ASXL2: variants seen among roughly 807,000 people sequenced by gnomAD.
ASXL2 encodes putative Polycomb group protein ASXL2.
ASXL2 carries 23 observed loss-of-function variants against 122.0 expected under a neutral mutation model. That is an observed-to-expected ratio of 0.19 (90% CI 0.14 to 0.27). The LOEUF is 0.27. Among genes scored for constraint, ASXL2 ranks in the 10% least tolerant of loss-of-function variants. ASXL2 has a pLI of 1.00. For synonymous variants in ASXL2, 650 were observed against 637.0 expected (o/e 1.02, Z -0.31); for missense variants, 1,518 against 1,713.8 (o/e 0.89, Z 2.02).
At chr2:25,820,566 C>T (rs905156404) in intron 3 of ASXL2, among the ~76,000 whole-genome samples, 1 of 152,136 alleles carries the variant, frequency 6.6e-6, no homozygotes, top group African/African-American at 2.4e-5. Context: ...GCCAAACTTA[C>T]AGAGACAGAA....
chr2:25,846,259 G>T (rs555094958), intron 1 of ASXL2, among the ~76,000 whole-genome samples: 3 of 151,990 alleles, frequency 2.0e-5, no homozygotes, highest in Admixed American at 6.6e-5. Context: ...CTTTTTCTCC[G>T]CCCTTGCCCC....
At position 25,878,353 on chromosome 2, in the gene ASXL2, C is replaced by T. The variant is rs1244629700; in HGVS notation, c.-131G>A. The T allele has an allele frequency of 8.8e-6, 8 of 912,376 alleles. No homozygotes were observed. In the Admixed American group the frequency reaches 1.6e-4, roughly 18 times the overall value. 56.5% of individuals were successfully genotyped at this position (912,376 alleles called of 1,614,324 possible). A position where few individuals can be genotyped will look rare whatever the true frequency, so the allele number is the denominator to read the frequency against. ...GAAAAGGGAAGTCAGACCGGGGGGG[C>T]ACCCAAGCAGAGGAAGCGGCGGGGG... On this transcript the variant is annotated 5_prime_UTR_variant, in exon 1 of 13. Coordinates refer to ENST00000435504, the MANE Select transcript of ASXL2 (RefSeq NM_018263.6).
Position 25,735,218 on chromosome 2 carries a change from G to C in ASXL2, c.*6811C>G, listed in dbSNP as rs943846241. On this transcript the variant is annotated 3_prime_UTR_variant, in exon 13 of 13. Coordinates refer to ENST00000435504, the MANE Select transcript of ASXL2 (RefSeq NM_018263.6). ...TTAGGTTAAGGCAGAAAGTTACATGGAAGTACAGAGTCTATACAGTCTCTA... is the reference window on the plus strand; with the variant it reads ...TTAGGTTAAGGCAGAAAGTTACATGCAAGTACAGAGTCTATACAGTCTCTA... 6.6e-6 allele frequency: 1 copy of C among 152,134 alleles called. No individual in the cohort carries two copies. Among genetic ancestry groups the C allele is most frequent in the Non-Finnish European group, 1.5e-5 (1 of 68,030 alleles). 9.4% of individuals were successfully genotyped at this position (152,134 alleles called of 1,614,324 possible). A position where few individuals can be genotyped will look rare whatever the true frequency, so the allele number is the denominator to read the frequency against.
Position 25,768,887 on chromosome 2 carries a change from C to A in ASXL2, c.505-19G>T. On this transcript the variant is annotated intron_variant, in intron 6 of 12. Transcript: ENST00000435504. ...TTAGCGCCTATAAAGATAAAACAGA[C>A]TATAAGAAACAAAACCAATCAGTTT... 6.2e-7 allele frequency: 1 copy of A among 1,608,426 alleles called. No individual in the cohort carries two copies. The highest frequency in any genetic ancestry group is 8.5e-7 in the Non-Finnish European group (1 of 1,177,472).
In ASXL2 at chr2:25,768,748, T is replaced by G. The variant is rs201843766; in HGVS notation, c.625A>C (p.Lys209Gln). ...AACTGCCCAAACTGCCTACCAGGTT[T>G]GGCAGGTACAGAGTCACTGGCTGCT... ...VKAASDSVPA[K>Q]PATWEGKQSD... The change falls in exon 7 of 13, where the codon AAA becomes CAA. Residue 209 changes from lysine (K) to glutamine (Q), a missense_variant. Physicochemically the swap from Lys to Gln is moderately conservative, Grantham distance 53 (BLOSUM62 1). This residue lies in a region of ASXL2 where 198 missense variants were observed against 209.0 expected (regional missense o/e 0.95). Transcript: ENST00000435504. 8.3e-5 allele frequency: 134 copies of G among 1,612,534 alleles called. No homozygotes were observed. The highest frequency in any genetic ancestry group is 4.9e-4 in the Middle Eastern group (3 of 6,076).
intron 1 of ASXL2, among the ~76,000 whole-genome samples, chr2:25,858,123 T>A (rs558052586): frequency 6.6e-6 from 1 of 152,300 alleles, no homozygotes; most frequent in Non-Finnish European, 1.5e-5. Context: ...TATATGACAC[T>A]GAGATTTAGT....
At chr2:25,766,565 AC>A (rs2088354734) in intron 8 of ASXL2, among the ~76,000 whole-genome samples, 1 of 152,196 alleles carries the variant, frequency 6.6e-6, no homozygotes, top group African/African-American at 2.4e-5. Flanking sequence ...TTGCCTGCAG[AC>A]TTTTTTCTAA....
chr2:25,801,598 G>A (rs2088999679), intron 4 of ASXL2, among the ~76,000 whole-genome samples: 1 of 151,548 alleles, frequency 6.6e-6, no homozygotes, highest in Non-Finnish European at 1.5e-5. Flanking sequence ...GGTTCAACAA[G>A]TATCTGAAAT....
At chr2:25,786,530 C>T (rs929539208) in intron 5 of ASXL2, among the ~76,000 whole-genome samples, 4 of 152,048 alleles carry the variant, frequency 2.6e-5, no homozygotes, top group Non-Finnish European at 4.4e-5. Flanking sequence ...TGAGCCACCA[C>T]GCCCGGCCCA....
At chr2:25,752,718 A>G (rs945411514) in intron 11 of ASXL2, among the ~76,000 whole-genome samples, 17 of 152,032 alleles carry the variant, frequency 1.1e-4, no homozygotes, top group African/African-American at 4.1e-4. Context: ...GTGGTGGTAC[A>G]CGCCTGTAAT....
At chr2:25,819,004 G>C (rs766253269) in intron 3 of ASXL2, among the ~76,000 whole-genome samples, 4 of 152,320 alleles carry the variant, frequency 2.6e-5, no homozygotes, top group Admixed American at 6.5e-5. Context: ...CTTTGAGGAA[G>C]CATGTGGCCA....
intron 3 of ASXL2, among the ~76,000 whole-genome samples, chr2:25,834,845 C>T (rs1185462390): frequency 6.6e-6 from 1 of 151,480 alleles, no homozygotes; most frequent in Non-Finnish European, 1.5e-5. Context: ...TTTTTTTAGA[C>T]GGAGTCTTGC....
chr2:25,779,185 T>C (rs2088593967), intron 5 of ASXL2, among the ~76,000 whole-genome samples: 1 of 148,416 alleles, frequency 6.7e-6, no homozygotes, highest in Admixed American at 6.9e-5. Context: ...TGCCTCCACT[T>C]GATTGGGTTC....
At chr2:25,781,161 T>C (rs2088630091) in intron 5 of ASXL2, among the ~76,000 whole-genome samples, 1 of 152,174 alleles carries the variant, frequency 6.6e-6, no homozygotes, top group Non-Finnish European at 1.5e-5. Context: ...CTTTGGAATT[T>C]GTCCTGGAGT....
intron 3 of ASXL2, among the ~76,000 whole-genome samples, chr2:25,821,046 G>GATGT (rs2089301944): frequency 6.6e-6 from 1 of 152,068 alleles, no homozygotes; most frequent in South Asian, 2.1e-4. Context: ...GGGCATGGAG[G>GATGT]CACATGCCCA....
chr2:25,800,621 A>T (rs1477630325), intron 4 of ASXL2, among the ~76,000 whole-genome samples: 1 of 152,184 alleles, frequency 6.6e-6, no homozygotes, highest in Non-Finnish European at 1.5e-5. Flanking sequence ...TTAGCATGTG[A>T]GAGATATAAT....
chr2:25,847,558 T>C (rs2089663077), intron 1 of ASXL2, among the ~76,000 whole-genome samples: 2 of 152,214 alleles, frequency 1.3e-5, no homozygotes, highest in South Asian at 2.1e-4. Flanking sequence ...TTTCAAACTT[T>C]AGATGTCCAA....
chr2:25,806,087 G>A, intron 4 of ASXL2, 142 bp downstream of exon 4: 1 of 530,102 alleles, frequency 1.9e-6, no homozygotes, highest in South Asian at 3.4e-5. Context: ...TTTAAAAAAT[G>A]TATTGGGTAG....
rs775732218 is a variant in ASXL2 at position 25,742,493 on chromosome 2, T to A, written c.3844A>T (p.Ile1282Phe). 7.1e-5 allele frequency: 115 copies of A among 1,613,784 alleles called. No homozygotes were observed. The highest frequency in any genetic ancestry group is 9.1e-5 in the Non-Finnish European group (107 of 1,179,876). ...QMAHAVRGKA[I>F]RSSPELFSST... The stretch of plus-strand genomic sequence containing the variant: ...CTGAAAAGCTCGGGGCTGCTACGGA[T>A]TGCCTTACCTCTCACTGCATGAGCC... Residue 1282 changes from isoleucine to phenylalanine, a missense_variant, in exon 13 of 13, where the codon ATC becomes TTC. Coordinates refer to ENST00000435504, the MANE Select transcript of ASXL2 (RefSeq NM_018263.6).
Sources: gnomAD v4.1 joint callset for allele counts (sites outside exome capture counted in the v4.1 genomes callset) on GRCh38, gnomAD v4.1.1 for gene constraint, gnomAD v4.1.1 regional missense constraint, MANE v1.5 for transcripts, NCBI Gene and HGNC (gene_info 2026-07-23, HGNC 2026-07-21) for gene names.